Variants in PITPNA observed in about 807,000 individuals in gnomAD.
PITPNA encodes the protein phosphatidylinositol transfer protein alpha.
PITPNA carries 13 observed loss-of-function variants against 50.3 expected under a neutral mutation model. That is an observed-to-expected ratio of 0.26 (90% CI 0.17 to 0.41). The LOEUF (loss-of-function observed/expected upper bound fraction) is 0.41, where lower values mean the gene tolerates loss of function less well. PITPNA is among the 10% of genes least tolerant of loss of function. The pLI, the probability that PITPNA is intolerant of heterozygous loss-of-function variation, is 1.00. For synonymous variants in PITPNA, 120 were observed against 119.6 expected (o/e 1.00, Z -0.02); for missense variants, 207 against 333.4 (o/e 0.62, Z 2.95).
At position 1,543,501 on chromosome 17, in the gene PITPNA, A is replaced by G. The variant is rs185803273; in HGVS notation, c.290-474T>C. Among the ~76,000 whole-genome samples, 168 of 152,240 alleles carry G rather than the reference A, an allele frequency of 1.1e-3. 1 individual carries two copies. The highest frequency in any genetic ancestry group is 3.7e-3 in the African/African-American group (153 of 41,532). On this transcript the variant is annotated intron_variant, in intron 4 of 11. Coordinates refer to ENST00000313486, the MANE Select transcript of PITPNA (RefSeq NM_006224.4). ...CCTCCCAGGCTCTGCACTCCTGCTCATTGTAATGGGAACCCCTTAGAAAGC... is the reference window on the plus strand; with the variant it reads ...CCTCCCAGGCTCTGCACTCCTGCTCGTTGTAATGGGAACCCCTTAGAAAGC...
Position 1,536,495 on chromosome 17 carries a change from T to C in PITPNA, c.457-977A>G, listed in dbSNP as rs530266050. On this transcript the variant is annotated intron_variant, in intron 7 of 11. Coordinates refer to ENST00000313486, the MANE Select transcript of PITPNA (RefSeq NM_006224.4). ...TAGTAGAGACGGGGTTTCACCGTGT[T>C]AGCCAGGATGGTCTCGATCTCCTGA... Among the ~76,000 whole-genome samples the C allele has an allele frequency of 5.3e-5, 8 of 152,232 alleles. No homozygotes were observed. In the South Asian group the frequency reaches 1.4e-3, roughly 28 times the overall value.
chr17:1,546,996 A>AAAAAC (rs1439578514), intron 4 of PITPNA, among the ~76,000 whole-genome samples: 3 of 152,178 alleles, frequency 2.0e-5, no homozygotes, highest in Non-Finnish European at 2.9e-5. Context: ...TTATAAATTA[A>AAAAAC]AAAACAAAAC....
intron 3 of PITPNA, among the ~76,000 whole-genome samples, 196 bp from the exon 4 acceptor site, chr17:1,548,583 G>T (rs1363744380): frequency 1.3e-5 from 2 of 152,010 alleles, no homozygotes; most frequent in Non-Finnish European, 2.9e-5. Flanking sequence ...CACCCACGAC[G>T]TGCCCCACCA....
At chr17:1,538,065 G>T (rs1290836996) in intron 7 of PITPNA, among the ~76,000 whole-genome samples, 1 of 152,188 alleles carries the variant, frequency 6.6e-6, no homozygotes, top group Non-Finnish European at 1.5e-5. Flanking sequence ...CTCCCAAAGT[G>T]TTGGAACTAC....
intron 6 of PITPNA, 76 bp from the exon 7 acceptor site, chr17:1,539,028 G>A (rs1207193502): frequency 1.2e-6 from 1 of 848,514 alleles, no homozygotes; most frequent in Non-Finnish European, 2.0e-6. Flanking sequence ...TGGACACCTA[G>A]GAACTGCCAT....
intron 1 of PITPNA, 30 bp from the exon 2 acceptor site, chr17:1,558,589 T>C: frequency 6.4e-7 from 1 of 1,566,306 alleles, no homozygotes; most frequent in Non-Finnish European, 8.8e-7. Flanking sequence ...GAGTATCAAC[T>C]TTAGGCTGTG....
At chr17:1,545,887 C>G (rs1463480342) in intron 4 of PITPNA, among the ~76,000 whole-genome samples, 1 of 149,114 alleles carries the variant, frequency 6.7e-6, no homozygotes, top group Non-Finnish European at 1.5e-5. Context: ...TGGCCCTAGA[C>G]CAGACACACC....
At chr17:1,535,343 A>G in intron 8 of PITPNA, 51 bp from the exon 9 acceptor site, 2 of 1,512,464 alleles carry the variant, frequency 1.3e-6, no homozygotes, top group Non-Finnish European at 1.8e-6. Context: ...GGCAGACCTC[A>G]GGCCGTCCCC....
At chr17:1,561,589 G>A (rs2075768464) in intron 1 of PITPNA, among the ~76,000 whole-genome samples, 1 of 151,932 alleles carries the variant, frequency 6.6e-6, no homozygotes, top group Non-Finnish European at 1.5e-5. Context: ...CTCCACTTCG[G>A]ACCCTACCCA....
At chr17:1,559,496 T>A (rs1279899299) in intron 1 of PITPNA, 1 of 152,220 alleles carries the variant, frequency 6.6e-6, no homozygotes, top group Non-Finnish European at 1.5e-5. Context: ...AGACAAAAAC[T>A]CTTGGTTTTA....
chr17:1,523,894 A>C (rs1351423143), intron 10 of PITPNA, among the ~76,000 whole-genome samples: 2 of 151,758 alleles, frequency 1.3e-5, no homozygotes, highest in African/African-American at 4.8e-5. Context: ...CCTGGACTTA[A>C]GTAGTCCTCC....
In PITPNA at chr17:1,533,326, A is replaced by C. The variant is rs140114163; in HGVS notation, c.768+773T>G. Among the ~76,000 whole-genome samples, 8 of 152,310 alleles carry C rather than the reference A, an allele frequency of 5.3e-5. No individual in the cohort carries two copies. The East Asian group carries it at 1.5e-3, about 29-fold the overall frequency. ...CTCTTACTCTGACCATATCACCTGC[A>C]AGACGGTGTGACCCAGAGCACCGCA... On this transcript the variant is annotated intron_variant, in intron 10 of 11. Transcript: ENST00000313486.
At chr17:1,521,999 C>T (rs2075516487) in intron 10 of PITPNA, among the ~76,000 whole-genome samples, 1 of 150,974 alleles carries the variant, frequency 6.6e-6, no homozygotes, top group East Asian at 2.0e-4. Flanking sequence ...GCTGGGATTA[C>T]AGCATAGGTG....
intron 5 of PITPNA, 44 bp downstream of exon 5, chr17:1,542,976 T>C: frequency 6.7e-7 from 1 of 1,501,222 alleles, no homozygotes; most frequent in Non-Finnish European, 9.1e-7. Context: ...TCTCTCCTGT[T>C]CTTATACATC....
chr17:1,530,767 C>T (rs2075576867), intron 10 of PITPNA, among the ~76,000 whole-genome samples: 1 of 152,146 alleles, frequency 6.6e-6, no homozygotes, highest in Non-Finnish European at 1.5e-5. Flanking sequence ...CAGGTAAGAG[C>T]CAGTTAACAA....
At chr17:1,534,801 T>C (rs2075604723) in intron 9 of PITPNA, among the ~76,000 whole-genome samples, 3 of 152,196 alleles carry the variant, frequency 2.0e-5, no homozygotes, top group Admixed American at 2.0e-4. Context: ...TGCCTCAGTT[T>C]CCTTCCCTGT....
chr17:1,523,037 G>A (rs562280220), intron 10 of PITPNA, among the ~76,000 whole-genome samples: 1 of 152,302 alleles, frequency 6.6e-6, no homozygotes, highest in Non-Finnish European at 1.5e-5. Flanking sequence ...CAAGGATGCA[G>A]AGGTGGAAAG....
intron 3 of PITPNA, among the ~76,000 whole-genome samples, chr17:1,548,672 T>G (rs1244214592): frequency 1.3e-5 from 2 of 152,076 alleles, no homozygotes; most frequent in African/African-American, 4.8e-5. Flanking sequence ...CATTACACAT[T>G]TTTCCAGAGC....
At chr17:1,549,837 G>C (rs1409153470) in intron 3 of PITPNA, among the ~76,000 whole-genome samples, 1 of 142,826 alleles carries the variant, frequency 7.0e-6, no homozygotes, top group Non-Finnish European at 1.5e-5. Flanking sequence ...ACCACGCCCA[G>C]CTAATTTTTG....
Sources: gnomAD v4.1 joint callset for allele counts (sites outside exome capture counted in the v4.1 genomes callset) on GRCh38, gnomAD v4.1.1 for gene constraint, MANE v1.5 for transcripts, NCBI Gene and HGNC (gene_info 2026-07-23, HGNC 2026-07-21) for gene names.